Variants in STXBP5L observed in about 807,000 individuals in gnomAD.
STXBP5L encodes syntaxin-binding protein 5-like.
STXBP5L carries 65 observed loss-of-function variants against 144.5 expected under a neutral mutation model. That is an observed-to-expected ratio of 0.45 (90% CI 0.37 to 0.55). The LOEUF (loss-of-function observed/expected upper bound fraction) is 0.55. STXBP5L is among the 20% of genes least tolerant of loss of function. The probability of loss-of-function intolerance (pLI) is 0.00; values close to 1 mark genes in which losing one functional copy is unlikely to be tolerated. For synonymous variants in STXBP5L, 505 were observed against 469.6 expected (o/e 1.08, Z -0.97); for missense variants, 1,298 against 1,405.5 (o/e 0.92, Z 1.22).
At chr3:121,288,459 C>A (rs1284389533) in intron 19 of STXBP5L, among the ~76,000 whole-genome samples, 2 of 152,164 alleles carry the variant, frequency 1.3e-5, no homozygotes, top group East Asian at 3.8e-4. Context: ...CTCTTACCAA[C>A]AGTGTATAAG....
intron 3 of STXBP5L, among the ~76,000 whole-genome samples, chr3:120,957,687 A>G (rs547802489): frequency 6.6e-6 from 1 of 152,290 alleles, no homozygotes; most frequent in African/African-American, 2.4e-5. Context: ...GAAGGTAGCA[A>G]TAAAGATGTT....
chr3:121,233,237 C>T (rs1392230909), intron 11 of STXBP5L, among the ~76,000 whole-genome samples: 3 of 152,082 alleles, frequency 2.0e-5, no homozygotes, highest in African/African-American at 4.8e-5. Flanking sequence ...AGATACTATT[C>T]CCTCAGTACA....
chr3:121,341,049 A>C (rs1173649227), intron 20 of STXBP5L, among the ~76,000 whole-genome samples: 1 of 152,154 alleles, frequency 6.6e-6, no homozygotes, highest in Non-Finnish European at 1.5e-5. Flanking sequence ...GAAGAAAGGA[A>C]ATAATCAACT....
chr3:121,152,396 C>A, intron 7 of STXBP5L, 81 bp from the exon 8 acceptor site: 2 of 1,031,018 alleles, frequency 1.9e-6, no homozygotes, highest in South Asian at 1.5e-5. Context: ...TATGATTTTA[C>A]TTTATTAACA....
chr3:121,115,143 A>G lies in STXBP5L; in HGVS notation c.605+84A>G. 3.0e-6 allele frequency: 4 copies of G among 1,319,128 alleles called. No homozygotes were observed. In the South Asian group the frequency reaches 5.8e-5, roughly 19 times the overall value. 81.7% of individuals were successfully genotyped at this position (1,319,128 alleles called of 1,614,324 possible). ...ATGTAGGTCAAATTACAGTTATTTG[A>G]TACGTCTATTACTAATTTATAATGA... On this transcript the variant is annotated intron_variant, in intron 6 of 26. Coordinates refer to ENST00000471454, the MANE Select transcript of STXBP5L (RefSeq NM_001308330.2).
chr3:120,957,888 G>C (rs1169463682), intron 3 of STXBP5L, among the ~76,000 whole-genome samples: 3 of 152,032 alleles, frequency 2.0e-5, no homozygotes, highest in Non-Finnish European at 4.4e-5. Context: ...AGCTAGCAGA[G>C]ACAAGAAATA....
At chr3:121,102,092 G>T (rs1350134304) in intron 5 of STXBP5L, among the ~76,000 whole-genome samples, 1 of 152,034 alleles carries the variant, frequency 6.6e-6, no homozygotes. Context: ...AATATTTCAT[G>T]CTTATGGATT....
Position 121,152,458 on chromosome 3 carries a change from TTGTTC to T in STXBP5L, c.670-17_670-13del, listed in dbSNP as rs1168430539. ...ATTAATGTTAGAATTAAGAAAATGA[TTGTTC>T]TAATGTTTTCCAGCTGCTAATAGGT... On this transcript the variant is annotated splice_polypyrimidine_tract_variant and intron_variant, in intron 7 of 26. Transcript: ENST00000471454. The T allele has an allele frequency of 6.5e-7, 1 of 1,536,108 alleles. No individual in the cohort carries two copies. The highest frequency in any genetic ancestry group is 2.3e-5 in the East Asian group (1 of 43,536).
chr3:121,330,725 A>C (rs1352515471), intron 20 of STXBP5L, among the ~76,000 whole-genome samples: 1 of 152,156 alleles, frequency 6.6e-6, no homozygotes, highest in Non-Finnish European at 1.5e-5. Flanking sequence ...GCAGAATAAC[A>C]CAGCACCCAA....
chr3:120,998,227 AG>A (rs1943505462), intron 3 of STXBP5L, among the ~76,000 whole-genome samples: 1 of 152,158 alleles, frequency 6.6e-6, no homozygotes, highest in African/African-American at 2.4e-5. Flanking sequence ...TGGAAGTCCT[AG>A]CCAGAGCAAT....
intron 5 of STXBP5L, among the ~76,000 whole-genome samples, chr3:121,088,107 A>C (rs1014454472): frequency 2.0e-5 from 3 of 151,812 alleles, no homozygotes; most frequent in African/African-American, 7.3e-5. Context: ...TAATTAAACT[A>C]AAGAGCTTCT....
At chr3:121,062,192 G>A (rs2041315930) in intron 5 of STXBP5L, among the ~76,000 whole-genome samples, 1 of 152,172 alleles carries the variant, frequency 6.6e-6, no homozygotes, top group Non-Finnish European at 1.5e-5. Flanking sequence ...GCCTGGTGGT[G>A]ACAAAATCTC....
chr3:121,201,830 T>A, intron 9 of STXBP5L, among the ~76,000 whole-genome samples: 1 of 152,160 alleles, frequency 6.6e-6, no homozygotes, highest in Non-Finnish European at 1.5e-5. Context: ...TTAAGAATGT[T>A]GAATATTGGC....
At chr3:121,079,119 G>C (rs2042149883) in intron 5 of STXBP5L, among the ~76,000 whole-genome samples, 1 of 152,202 alleles carries the variant, frequency 6.6e-6, no homozygotes, top group Non-Finnish European at 1.5e-5. Flanking sequence ...TCACCACTCA[G>C]AGAGACCAAA....
intron 23 of STXBP5L, among the ~76,000 whole-genome samples, chr3:121,408,648 A>T (rs1477618773): frequency 1.3e-5 from 2 of 151,994 alleles, no homozygotes; most frequent in Non-Finnish European, 2.9e-5. Context: ...ACGACCTTGA[A>T]TGTCAGGCTG....
intron 18 of STXBP5L, among the ~76,000 whole-genome samples, chr3:121,264,203 G>T (rs889786657): frequency 6.6e-6 from 1 of 152,152 alleles, no homozygotes; most frequent in African/African-American, 2.4e-5. Flanking sequence ...TTCATATCTA[G>T]CCAAACTAAG....
chr3:121,303,733 A>G (rs1387102505), intron 19 of STXBP5L, among the ~76,000 whole-genome samples: 3 of 152,182 alleles, frequency 2.0e-5, no homozygotes, highest in Non-Finnish European at 4.4e-5. Flanking sequence ...TTGTAGGGAC[A>G]TGGATGAAGC....
intron 5 of STXBP5L, among the ~76,000 whole-genome samples, chr3:121,080,374 CTAAA>C (rs2042199890): frequency 6.6e-6 from 1 of 151,826 alleles, no homozygotes. Flanking sequence ...TGTTAGTTGC[CTAAA>C]TACTTTGTTT....
intron 3 of STXBP5L, among the ~76,000 whole-genome samples, chr3:120,977,964 G>T (rs1941278495): frequency 6.6e-6 from 1 of 152,134 alleles, no homozygotes; most frequent in Non-Finnish European, 1.5e-5. Context: ...CTTTGTCTCT[G>T]GCTGCCCTTA....
Sources: allele counts gnomAD v4.1 joint callset (sites outside exome capture counted in the v4.1 genomes callset), GRCh38; gene constraint gnomAD v4.1.1; transcripts MANE v1.5; gene names NCBI Gene and HGNC (gene_info 2026-07-23, HGNC 2026-07-21).